CRBN: variants seen among roughly 807,000 people sequenced by gnomAD.
CRBN encodes cereblon, also known as protein cereblon.
In CRBN, 53 loss-of-function variants were observed where a neutral mutation model predicts 62.2. That is an observed-to-expected ratio of 0.85 (90% CI 0.68 to 1.07). The LOEUF (loss-of-function observed/expected upper bound fraction) is 1.07, where lower values mean the gene tolerates loss of function less well. CRBN is among the 50% of genes least tolerant of loss of function. CRBN has a pLI of 0.00. For missense variants in CRBN, 616 were observed against 531.1 expected (o/e 1.16, Z -1.57); for synonymous variants, 208 against 176.1 (o/e 1.18, Z -1.43).
chr3:3,173,323 G>T (rs1430893466), intron 3 of CRBN, among the ~76,000 whole-genome samples: 1 of 152,158 alleles, frequency 6.6e-6, no homozygotes, highest in Non-Finnish European at 1.5e-5. Context: ...CTCCCAAAGT[G>T]CTGGGAGTAT....
rs747351413 is a variant in CRBN, at chr3:3,172,849, T to C, written c.454A>G (p.Ile152Val). 3.7e-6 allele frequency: 6 copies of C among 1,613,810 alleles called. No individual in the cohort carries two copies. The highest frequency in any genetic ancestry group is 5.1e-6 in the Non-Finnish European group (6 of 1,179,800). ...YAYREEQDFGIEIVKVKAIGR... is the reference protein window; with the variant it reads ...YAYREEQDFGVEIVKVKAIGR... ...ATTGCTTTCACTTTCACTATCTCAA[T>C]TCCAAAATCCTGTTCTTCTCGATAG... is the stretch of plus-strand genomic sequence containing the variant. Residue 152 changes from isoleucine to valine, a missense_variant, in exon 4 of 11, where the codon ATT (isoleucine) becomes GTT (valine). Ile to Val is a conservative substitution (Grantham distance 29). Transcript: ENST00000231948.
At chr3:3,156,317 A>G (rs199666943) in intron 5 of CRBN, 36 bp from the exon 6 acceptor site, 35 of 1,569,972 alleles carry the variant, frequency 2.2e-5, no homozygotes, top group Admixed American at 1.8e-4. Context: ...AAAAAACCCC[A>G]CAGAATAAAG....
chr3:3,152,144 A>T (rs1237043022), intron 10 of CRBN, among the ~76,000 whole-genome samples: 2 of 101,584 alleles, frequency 2.0e-5, no homozygotes, highest in Non-Finnish European at 4.6e-5. Flanking sequence ...AAGGACATTT[A>T]AATAAATTTT....
intron 5 of CRBN, 98 bp downstream of exon 5, chr3:3,167,536 T>C: frequency 8.5e-7 from 1 of 1,177,830 alleles, no homozygotes; most frequent in Non-Finnish European, 1.2e-6. Flanking sequence ...ACAAGGTGGC[T>C]GGGTAATGAA....
chr3:3,159,374 C>A (rs1707043180), intron 5 of CRBN, among the ~76,000 whole-genome samples: 1 of 152,164 alleles, frequency 6.6e-6, no homozygotes, highest in African/African-American at 2.4e-5. Context: ...ACACACTCCT[C>A]ATTCAGTTAT....
chr3:3,151,061 A>G lies in CRBN; in HGVS notation c.1149-16T>C. 1 of 1,613,472 alleles carries G rather than the reference A, an allele frequency of 6.2e-7. No individual in the cohort carries two copies. Among genetic ancestry groups the G allele is most frequent in the Non-Finnish European group, 8.5e-7 (1 of 1,179,624 alleles). On this transcript the variant is annotated splice_polypyrimidine_tract_variant and intron_variant, in intron 10 of 10. Transcript: ENST00000231948. Reference sequence around the variant, plus strand: ...CCAGGCATACCTAAGAAATTAAGGAAAGATATCAGCTAAGGAAACATTTCT... The same window carrying G: ...CCAGGCATACCTAAGAAATTAAGGAGAGATATCAGCTAAGGAAACATTTCT...
In CRBN at chr3:3,152,486, C is replaced by G. The variant is rs573677293; in HGVS notation, c.1118G>C (p.Arg373Pro). 14 of 1,613,782 alleles carry G rather than the reference C, an allele frequency of 8.7e-6. No homozygotes were observed. The highest frequency in any genetic ancestry group is 3.3e-4 in the Middle Eastern group (2 of 6,058). The change falls in exon 10 of 11, where the codon CGG (arginine) becomes CCG (proline). Residue 373 changes from arginine to proline, a missense_variant. Transcript: ENST00000231948. ...YKACNLNLIGRPSTEHSWFPG... is the reference protein window; with the variant it reads ...YKACNLNLIGPPSTEHSWFPG... ...AAACCAGCTGTGTTCTGTAGAAGGC[C>G]GGCCTATCAGATTCAAGTTGCAAGC...
intron 10 of CRBN, among the ~76,000 whole-genome samples, chr3:3,151,891 T>C (rs1199375142): frequency 6.6e-6 from 1 of 152,220 alleles, no homozygotes; most frequent in African/African-American, 2.4e-5. Flanking sequence ...CTTCTTAGTC[T>C]ATCATTGCTT....
chr3:3,177,801 A>C (rs994524221), intron 1 of CRBN, among the ~76,000 whole-genome samples: 4 of 152,150 alleles, frequency 2.6e-5, no homozygotes, highest in African/African-American at 9.7e-5. Context: ...TCATTTGCCT[A>C]GGATAAACTC....
At chr3:3,156,114 T>C in intron 6 of CRBN, 105 bp downstream of exon 6, 1 of 962,088 alleles carries the variant, frequency 1.0e-6, no homozygotes, top group Non-Finnish European at 1.7e-6. Flanking sequence ...ATATCTTAAG[T>C]TATAAGGCAC....
chr3:3,176,016 C>G (rs889562618), intron 1 of CRBN, among the ~76,000 whole-genome samples: 2 of 152,092 alleles, frequency 1.3e-5, no homozygotes, highest in South Asian at 2.1e-4. Flanking sequence ...CAGGTTTTTC[C>G]GCTGTAAAGT....
intron 5 of CRBN, among the ~76,000 whole-genome samples, chr3:3,163,807 T>A (rs2126061728): frequency 6.6e-6 from 1 of 152,322 alleles, no homozygotes; most frequent in East Asian, 1.9e-4. Context: ...TCACAGATAC[T>A]GCCTTTAAAA....
Position 3,150,995 on chromosome 3 carries a change from C to T in CRBN, c.1199G>A (p.Trp400Ter). ...GTCTTTTTTGGTGGCCGTAAACTTCCATCCAATATGGCTTGCACAGATCTT... is the reference window on the plus strand; with the variant it reads ...GTCTTTTTTGGTGGCCGTAAACTTCTATCCAATATGGCTTGCACAGATCTT... ...QCKICASHIG[W>*]KFTATKKDMS... The change falls in exon 11 of 11, where the codon TGG becomes TAG. Residue 400 changes from tryptophan to a stop codon, truncating the protein, a stop_gained. Transcript: ENST00000231948. LOFTEE classifies it high-confidence loss of function. The T allele has an allele frequency of 1.2e-6, 2 of 1,613,966 alleles. No homozygotes were observed. Among genetic ancestry groups the T allele is most frequent in the Non-Finnish European group, 1.7e-6 (2 of 1,179,960 alleles).
intron 5 of CRBN, among the ~76,000 whole-genome samples, chr3:3,160,846 T>C (rs1212420709): frequency 6.6e-6 from 1 of 152,186 alleles, no homozygotes; most frequent in Non-Finnish European, 1.5e-5. Context: ...AATAAACATA[T>C]GAATTTGGTC....
At chr3:3,172,689 T>G in intron 4 of CRBN, 87 bp downstream of exon 4, 1 of 1,383,848 alleles carries the variant, frequency 7.2e-7, no homozygotes, top group Non-Finnish European at 1.0e-6. Flanking sequence ...TTACAAAATA[T>G]GAAGGCTCAG....
intron 1 of CRBN, among the ~76,000 whole-genome samples, chr3:3,175,499 A>T (rs1005652523): frequency 2.0e-5 from 3 of 152,110 alleles, no homozygotes; most frequent in African/African-American, 7.2e-5. Context: ...TTTACAGAGA[A>T]GTGTAAAGAT....
At chr3:3,154,170 C>G (rs1706770936) in intron 7 of CRBN, 95 bp from the exon 8 acceptor site, 3 of 759,524 alleles carry the variant, frequency 3.9e-6, no homozygotes, top group Non-Finnish European at 7.1e-6. Context: ...ATAAACCCTT[C>G]TCTTTAAGGT....
chr3:3,154,158 A>C (rs1706770175), intron 7 of CRBN, 83 bp from the exon 8 acceptor site: 1 of 806,552 alleles, frequency 1.2e-6, no homozygotes, highest in South Asian at 1.4e-5. Flanking sequence ...TATCCTTTTG[A>C]AATAAACCCT....
chr3:3,174,416 G>C (rs374407004), intron 2 of CRBN, among the ~76,000 whole-genome samples, 155 bp from the exon 3 acceptor site: 1 of 152,092 alleles, frequency 6.6e-6, no homozygotes. Flanking sequence ...CGAGGTAGGC[G>C]GATCACCTGA....
Sources: gnomAD v4.1 joint callset for allele counts (sites outside exome capture counted in the v4.1 genomes callset) on GRCh38, gnomAD v4.1.1 for gene constraint, MANE v1.5 for transcripts, NCBI Gene and HGNC (gene_info 2026-07-23, HGNC 2026-07-21) for gene names.